HTR2C: variants seen among roughly 807,000 people sequenced by gnomAD.
HTR2C encodes 5-hydroxytryptamine receptor 2C.
In HTR2C, 5 loss-of-function variants were observed where a neutral mutation model predicts 21.0. The observed-to-expected ratio is 0.24, with a 90% CI of 0.12 to 0.50. HTR2C has a LOEUF of 0.50. Ranked by LOEUF, HTR2C falls within the 20% of genes least tolerant of loss-of-function variation. The probability of loss-of-function intolerance (pLI) is 0.98; values close to 1 mark genes in which losing one functional copy is unlikely to be tolerated. For missense variants in HTR2C, 271 were observed against 371.2 expected (o/e 0.73, Z 2.22); for synonymous variants, 150 against 145.3 (o/e 1.03, Z -0.23).
Position 114,780,256 on chromosome X carries a change from G to A in HTR2C, c.349+48649G>A, listed in dbSNP as rs782092213. On this transcript the variant is annotated intron_variant, in intron 4 of 5. Transcript: ENST00000276198. Reference sequence around the variant, plus strand: ...CTCATGAATACCGGGAAACAACTGCGTGTATGTATATACACTCACACACAT... The same window carrying A: ...CTCATGAATACCGGGAAACAACTGCATGTATGTATATACACTCACACACAT... Among the ~76,000 whole-genome samples the A allele has an allele frequency of 6.3e-5, 7 of 111,228 alleles. No individual in the cohort carries two copies. The East Asian group carries it at 8.5e-4, about 14-fold the overall frequency.
intron 2 of HTR2C, chrX:114,651,708 C>G (rs1431159713): frequency 2.4e-5 from 3 of 123,999 alleles, no homozygotes; most frequent in Admixed American, 1.9e-4. Context: ...CCATTTTCAG[C>G]TGTTTACTAA....
intron 5 of HTR2C, among the ~76,000 whole-genome samples, chrX:114,875,376 A>T (rs1324774333): frequency 4.5e-5 from 5 of 111,101 alleles, no homozygotes; most frequent in Non-Finnish European, 7.6e-5. Context: ...AATTTTGTTG[A>T]TTGTTTTCTT....
At chrX:114,794,615 G>A (rs1556444628) in intron 4 of HTR2C, among the ~76,000 whole-genome samples, 1 of 97,788 alleles carries the variant, frequency 1.0e-5, no homozygotes, top group Non-Finnish European at 2.0e-5. Context: ...CTATGAGTGA[G>A]AACATGCAGT....
chrX:114,665,312 G>A (rs1556410763), intron 2 of HTR2C, among the ~76,000 whole-genome samples: 1 of 111,895 alleles, frequency 8.9e-6, no homozygotes, highest in Non-Finnish European at 1.9e-5. Flanking sequence ...CCTTTGGCAT[G>A]ATTGCCTCCA....
intron 4 of HTR2C, among the ~76,000 whole-genome samples, chrX:114,836,391 C>T (rs782033238): frequency 1.7e-4 from 19 of 112,813 alleles, no homozygotes; most frequent in Non-Finnish European, 3.2e-4. Context: ...AAACCAGGTG[C>T]GGGATATAAT....
At chrX:114,735,916 T>C (rs2069585427) in intron 4 of HTR2C, among the ~76,000 whole-genome samples, 2 of 110,272 alleles carry the variant, frequency 1.8e-5, no homozygotes, top group Admixed American at 1.9e-4. Context: ...ATCCAGACCA[T>C]CCTGGTTAAC....
intron 2 of HTR2C, among the ~76,000 whole-genome samples, chrX:114,619,039 C>A (rs1490367581): frequency 9.0e-6 from 1 of 111,355 alleles, no homozygotes; most frequent in African/African-American, 3.3e-5. Flanking sequence ...TTTTTGCTTC[C>A]ATAAAGTATT....
chrX:114,805,846 T>TATATATACACCATATATATACC (rs1569495620), intron 4 of HTR2C, among the ~76,000 whole-genome samples: 1,145 of 41,071 alleles, frequency 0.028, 52 homozygotes, highest in African/African-American at 0.081. Context: ...ATATATACCA[T>TATATATACACCATATATATACC]ATATATACCA....
At chrX:114,707,356 G>A (rs1304459661) in intron 2 of HTR2C, among the ~76,000 whole-genome samples, 4 of 111,124 alleles carry the variant, frequency 3.6e-5, no homozygotes, top group Non-Finnish European at 7.5e-5. Context: ...AGGAGATCAA[G>A]ACTGCAGAGA....
intron 4 of HTR2C, among the ~76,000 whole-genome samples, chrX:114,806,327 CATAT>C (rs782338364): frequency 2.6e-4 from 24 of 93,039 alleles, no homozygotes; most frequent in African/African-American, 9.5e-4. Flanking sequence ...ATATATACAC[CATAT>C]ATATACACCA....
rs143418637 is a variant in HTR2C at position 114,699,894 on chromosome X, C to T, written c.-79-26964C>T. Among the ~76,000 whole-genome samples, 471 of 112,112 alleles carry T rather than the reference C, an allele frequency of 4.2e-3. 5 individuals are homozygous for T. Among genetic ancestry groups the T allele is most frequent in the African/African-American group, 0.014 (441 of 30,913 alleles). ...TGATCATATGATTTTATATGACTGC[C>T]AGTTTACTCATTAACATCAAAAGTT... is the stretch of plus-strand genomic sequence containing the variant. On this transcript the variant is annotated intron_variant, in intron 2 of 5. Coordinates refer to ENST00000276198, the MANE Select transcript of HTR2C (RefSeq NM_000868.4).
chrX:114,650,832 C>T (rs1157493364), intron 2 of HTR2C, among the ~76,000 whole-genome samples: 1 of 111,406 alleles, frequency 9.0e-6, no homozygotes, highest in Admixed American at 9.6e-5. Context: ...AATCTTAAAT[C>T]TAGTCAGGGC....
At chrX:114,879,129 C>A (rs1255830093) in intron 5 of HTR2C, among the ~76,000 whole-genome samples, 1 of 108,738 alleles carries the variant, frequency 9.2e-6, no homozygotes, top group African/African-American at 3.3e-5. Context: ...TCCATCAATT[C>A]TGTCAGTTTT....
At chrX:114,816,920 C>T (rs1336228427) in intron 4 of HTR2C, among the ~76,000 whole-genome samples, 1 of 90,943 alleles carries the variant, frequency 1.1e-5, no homozygotes, top group East Asian at 3.7e-4. Context: ...ATTTATCCAA[C>T]TATGTATTTA....
intron 4 of HTR2C, among the ~76,000 whole-genome samples, chrX:114,739,834 G>A (rs917685753): frequency 5.4e-5 from 6 of 111,450 alleles, no homozygotes; most frequent in Non-Finnish European, 1.1e-4. Context: ...GGCCAGGTGC[G>A]GCAGCTCACA....
chrX:114,762,868 A>G (rs1007753940), intron 4 of HTR2C, among the ~76,000 whole-genome samples: 1 of 111,946 alleles, frequency 8.9e-6, no homozygotes, highest in Non-Finnish European at 1.9e-5. Context: ...TTTCATGTTG[A>G]TACTCCACAT....
At chrX:114,650,919 T>C (rs1284115999) in intron 2 of HTR2C, among the ~76,000 whole-genome samples, 4 of 111,561 alleles carry the variant, frequency 3.6e-5, no homozygotes, top group African/African-American at 1.3e-4. Context: ...GATTAGAAAA[T>C]AAAACCTATG....
intron 1 of HTR2C, among the ~76,000 whole-genome samples, chrX:114,596,940 G>A (rs5987794): frequency 1.1e-3 from 118 of 110,244 alleles, no homozygotes; most frequent in African/African-American, 3.8e-3. Flanking sequence ...TTTTTGTGTC[G>A]GCCATGGTGG....
intron 5 of HTR2C, among the ~76,000 whole-genome samples, chrX:114,868,836 C>T (rs2071067181): frequency 9.1e-6 from 1 of 110,093 alleles, no homozygotes; most frequent in African/African-American, 3.3e-5. Context: ...GATGTTATCA[C>T]TTTTTGTATT....
Sources: allele counts gnomAD v4.1 joint callset (sites outside exome capture counted in the v4.1 genomes callset), GRCh38; gene constraint gnomAD v4.1.1; transcripts MANE v1.5; gene names NCBI Gene and HGNC (gene_info 2026-07-23, HGNC 2026-07-21).